ABTB3: variants seen among roughly 807,000 people sequenced by gnomAD.
ABTB3 encodes ankyrin repeat and BTB domain containing 3.
At chr12:107,469,942 CTCTTTCTT>C in the ABTB3 span, among the ~76,000 whole-genome samples, 1,238 of 59,172 alleles carry the variant, frequency 0.021, 107 homozygotes, top group Middle Eastern at 0.025. Flanking sequence ...CTCTTTCTTT[CTCTTTCTT>C]TCTTTCTTTC....
the ABTB3 span, among the ~76,000 whole-genome samples, chr12:107,447,695 C>T: frequency 2.6e-5 from 4 of 152,170 alleles, no homozygotes; most frequent in Non-Finnish European, 1.5e-5. Context: ...GAAAAACCTA[C>T]GACAGAGCTC....
chr12:107,319,200 G>A, the ABTB3 span: 8 of 1,591,064 alleles, frequency 5.0e-6, no homozygotes, highest in African/African-American at 6.7e-5. Context: ...GGCCAGCACT[G>A]CTCGCGGCTG....
chr12:107,582,831 C>T, the ABTB3 span, among the ~76,000 whole-genome samples: 2,667 of 152,344 alleles, frequency 0.018, 36 homozygotes, highest in Non-Finnish European at 0.027. Flanking sequence ...ACTCCCACCA[C>T]TCCTGCTCAT....
At chr12:107,473,962 G>C in the ABTB3 span, among the ~76,000 whole-genome samples, 1 of 150,472 alleles carries the variant, frequency 6.6e-6, no homozygotes, top group Admixed American at 6.6e-5. Context: ...TTTTGTATTT[G>C]TAGTAGAGAC....
the ABTB3 span, among the ~76,000 whole-genome samples, chr12:107,462,031 C>T: frequency 1.2e-4 from 18 of 152,274 alleles, no homozygotes; most frequent in East Asian, 3.5e-3. Context: ...CTGAGCCCTT[C>T]CTGATGGGTT....
At chr12:107,442,986 C>T in the ABTB3 span, among the ~76,000 whole-genome samples, 1 of 152,154 alleles carries the variant, frequency 6.6e-6, no homozygotes, top group Non-Finnish European at 1.5e-5. Flanking sequence ...CTTGCTGTGT[C>T]CCCTATGGTG....
the ABTB3 span, among the ~76,000 whole-genome samples, chr12:107,566,442 C>G: frequency 1.3e-5 from 2 of 152,116 alleles, no homozygotes; most frequent in East Asian, 3.8e-4. Context: ...GAGCCAGACT[C>G]ACAGTATGAG....
At chr12:107,513,901 C>T in the ABTB3 span, among the ~76,000 whole-genome samples, 554 of 152,302 alleles carry the variant, frequency 3.6e-3, 3 homozygotes, top group Non-Finnish European at 6.3e-3. Flanking sequence ...AATGACCTTA[C>T]CAAATGGTTG....
At chr12:107,330,447 C>T in the ABTB3 span, among the ~76,000 whole-genome samples, 8 of 152,332 alleles carry the variant, frequency 5.3e-5, no homozygotes, top group African/African-American at 1.9e-4. Flanking sequence ...GTTGCTAAGA[C>T]AATAAGTAGA....
chr12:107,498,456 G>A, the ABTB3 span, among the ~76,000 whole-genome samples: 1,788 of 152,248 alleles, frequency 0.012, 44 homozygotes, highest in African/African-American at 0.041. Context: ...CAAACTTAGC[G>A]TCCTAAGACA....
chr12:107,558,750 C>G, the ABTB3 span, among the ~76,000 whole-genome samples: 1 of 152,176 alleles, frequency 6.6e-6, no homozygotes, highest in South Asian at 2.1e-4. Flanking sequence ...GTGACGAGAG[C>G]TTTTCCAGAG....
At chr12:107,432,290 A>G in the ABTB3 span, among the ~76,000 whole-genome samples, 1 of 152,318 alleles carries the variant, frequency 6.6e-6, no homozygotes, top group South Asian at 2.1e-4. Context: ...GAATTGGGAG[A>G]GAAGGAAAGA....
chr12:107,553,306 C>T, the ABTB3 span, among the ~76,000 whole-genome samples: 1 of 152,190 alleles, frequency 6.6e-6, no homozygotes, highest in Non-Finnish European at 1.5e-5. Flanking sequence ...TTAACTCATT[C>T]AGTCCTCCCA....
At chr12:107,396,807 C>T in the ABTB3 span, among the ~76,000 whole-genome samples, 1,359 of 152,306 alleles carry the variant, frequency 8.9e-3, 12 homozygotes, top group Middle Eastern at 0.017. Context: ...CTTCCTCCTT[C>T]CCTCCAGGCA....
the ABTB3 span, among the ~76,000 whole-genome samples, chr12:107,508,438 C>CTTTGTTTT: frequency 1.4e-5 from 1 of 69,150 alleles, no homozygotes. Flanking sequence ...AAGATCATTT[C>CTTTGTTTT]TTTTTTTTTT....
chr12:107,399,768 T>C, the ABTB3 span, among the ~76,000 whole-genome samples: 2 of 152,188 alleles, frequency 1.3e-5, no homozygotes, highest in African/African-American at 4.8e-5. Flanking sequence ...TTGCTGCACC[T>C]ATCAACCTGT....
chr12:107,604,359 G>C, the ABTB3 span, among the ~76,000 whole-genome samples: 2 of 151,824 alleles, frequency 1.3e-5, no homozygotes, highest in African/African-American at 4.8e-5. Context: ...AGGCATGAGA[G>C]TCACTTGAAC....
the ABTB3 span, among the ~76,000 whole-genome samples, chr12:107,451,546 C>T: frequency 6.6e-6 from 1 of 152,180 alleles, no homozygotes; most frequent in Admixed American, 6.5e-5. Flanking sequence ...ACTTAAAATT[C>T]TCTGGAGGTT....
the ABTB3 span, among the ~76,000 whole-genome samples, chr12:107,616,551 C>T: frequency 6.6e-6 from 1 of 152,218 alleles, no homozygotes; most frequent in Admixed American, 6.5e-5. Context: ...ACTGATCTTG[C>T]TGTCCAGAAA....
Sources: gnomAD v4.1 joint callset for allele counts (sites outside exome capture counted in the v4.1 genomes callset) on GRCh38, gnomAD v4.1.1 for gene constraint, MANE v1.5 for transcripts, NCBI Gene and HGNC (gene_info 2026-07-23, HGNC 2026-07-21) for gene names.